Variants in ARL3 observed in about 807,000 individuals in gnomAD.
The protein encoded by ARL3 is ADP-ribosylation factor-like protein 3.
In ARL3, 9 loss-of-function variants were observed where a neutral mutation model predicts 26.0. That is an observed-to-expected ratio of 0.35 (90% CI 0.21 to 0.60). ARL3 has a LOEUF of 0.60. Among genes scored for constraint, ARL3 ranks in the 20% least tolerant of loss-of-function variants. The pLI is 0.78. For synonymous variants in ARL3, 71 were observed against 78.4 expected (o/e 0.91, Z 0.50); for missense variants, 158 against 215.7 (o/e 0.73, Z 1.67).
In ARL3 at chr10:102,675,729, CTT is replaced by C. The variant is rs2064126889; in HGVS notation, c.*1163_*1164del. The C allele has an allele frequency of 6.6e-6, 1 of 152,246 alleles. No homozygotes were observed. Among genetic ancestry groups the C allele is most frequent in the Non-Finnish European group, 1.5e-5 (1 of 68,054 alleles). The allele number at this position is 152,246 out of a possible 1,614,324, so 9.4% of individuals were successfully genotyped here. ...GAGGAGCCCAGCAGCTGGGGTGACT[CTT>C]GATTCCTTGGACACGACCCCTGCAG... On this transcript the variant is annotated 3_prime_UTR_variant, in exon 6 of 6. Coordinates refer to ENST00000260746, the MANE Select transcript of ARL3 (RefSeq NM_004311.4).
intron 5 of ARL3, among the ~76,000 whole-genome samples, chr10:102,684,051 C>T (rs1305580636): frequency 6.6e-6 from 1 of 152,226 alleles, no homozygotes; most frequent in Admixed American, 6.5e-5. Context: ...CAGAGCTGTA[C>T]TTGCACTTTC....
intron 5 of ARL3, among the ~76,000 whole-genome samples, chr10:102,677,229 G>C (rs2064135076): frequency 6.6e-6 from 1 of 152,210 alleles, no homozygotes; most frequent in Admixed American, 6.5e-5. Flanking sequence ...AAACACATCT[G>C]CCTGCATCCA....
intron 1 of ARL3, among the ~76,000 whole-genome samples, chr10:102,707,580 A>G (rs867053051): frequency 2.0e-5 from 3 of 152,244 alleles, no homozygotes; most frequent in African/African-American, 7.2e-5. Context: ...GTACCAGGCA[A>G]TAATTCAAAC....
chr10:102,695,016 G>A (rs1256450406), intron 3 of ARL3, among the ~76,000 whole-genome samples: 1 of 152,222 alleles, frequency 6.6e-6, no homozygotes, highest in Non-Finnish European at 1.5e-5. Flanking sequence ...ACTGCGCCCG[G>A]CCTATGCTGT....
At chr10:102,694,666 GCTCT>G (rs2064237920) in intron 3 of ARL3, among the ~76,000 whole-genome samples, 1 of 151,942 alleles carries the variant, frequency 6.6e-6, no homozygotes. Flanking sequence ...CTATTTTGGG[GCTCT>G]CTATTCTGTT....
At chr10:102,677,303 C>T (rs1221361445) in intron 5 of ARL3, among the ~76,000 whole-genome samples, 1 of 152,216 alleles carries the variant, frequency 6.6e-6, no homozygotes, top group Non-Finnish European at 1.5e-5. Flanking sequence ...AAAAGGTGAC[C>T]TTTGCCAGGG....
rs1016133794 is a variant in ARL3, at chr10:102,673,802, A to G, written c.*3092T>C. On this transcript the variant is annotated 3_prime_UTR_variant, in exon 6 of 6. Transcript: ENST00000260746. ...AATTATACATTGAGTTTTCCACATGACCAAACACCACATCTCTTCCTTTGA... is the reference window on the plus strand; with the variant it reads ...AATTATACATTGAGTTTTCCACATGGCCAAACACCACATCTCTTCCTTTGA... 6.6e-6 allele frequency: 1 copy of G among 152,188 alleles called. No homozygotes were observed. Among genetic ancestry groups the G allele is most frequent in the South Asian group, 2.1e-4 (1 of 4,832 alleles). The allele number at this position is 152,188 out of a possible 1,614,324, so 9.4% of individuals were successfully genotyped here. A position where few individuals can be genotyped will look rare whatever the true frequency, so the allele number is the denominator to read the frequency against.
chr10:102,712,106 G>C (rs549216294), intron 1 of ARL3, among the ~76,000 whole-genome samples: 2 of 152,128 alleles, frequency 1.3e-5, no homozygotes. Context: ...TAGTATTTTA[G>C]TAATTCATCA....
At chr10:102,680,875 A>T (rs2064153327) in intron 5 of ARL3, among the ~76,000 whole-genome samples, 1 of 152,126 alleles carries the variant, frequency 6.6e-6, no homozygotes, top group Non-Finnish European at 1.5e-5. Context: ...CTTCCATCAA[A>T]TATGGCTCGC....
At chr10:102,713,734 G>A (rs998076155) in intron 1 of ARL3, among the ~76,000 whole-genome samples, 2 of 152,146 alleles carry the variant, frequency 1.3e-5, no homozygotes, top group African/African-American at 4.8e-5. Flanking sequence ...TTGTGTCGTG[G>A]GACTTACTTC....
At position 102,714,162 on chromosome 10, in the gene ARL3, G is replaced by A. The variant is rs1408822503; in HGVS notation, c.3+111C>T. ...CAGTCCACAACCCAGATAGCAGGCT[G>A]AGCGACGTCCCATTCCCTCCTTGGC... On this transcript the variant is annotated intron_variant, in intron 1 of 5. Transcript: ENST00000260746. 8.9e-6 allele frequency: 11 copies of A among 1,231,756 alleles called. No individual in the cohort carries two copies. The East Asian group carries it at 3.1e-4, about 35-fold the overall frequency. 76.3% of individuals were successfully genotyped at this position (1,231,756 alleles called of 1,614,324 possible). A position where few individuals can be genotyped will look rare whatever the true frequency, so the allele number is the denominator to read the frequency against.
At chr10:102,689,249 T>C (rs1444412384) in intron 4 of ARL3, among the ~76,000 whole-genome samples, 4 of 151,422 alleles carry the variant, frequency 2.6e-5, no homozygotes, top group South Asian at 2.1e-4. Flanking sequence ...CACTTGAACC[T>C]GGGAGGTTGA....
intron 3 of ARL3, among the ~76,000 whole-genome samples, chr10:102,690,478 G>T (rs1278728866): frequency 6.6e-6 from 1 of 151,752 alleles, no homozygotes; most frequent in East Asian, 1.9e-4. Flanking sequence ...TAGAGACGGC[G>T]TTTCACCATG....
intron 1 of ARL3, 75 bp from the exon 2 acceptor site, chr10:102,705,564 C>T: frequency 2.2e-6 from 3 of 1,364,942 alleles, no homozygotes; most frequent in South Asian, 1.9e-5. Context: ...AGAATAACTT[C>T]TCCTTGAAAA....
rs199732551 is a variant in ARL3 at position 102,705,302 on chromosome 10, G to A, written c.147+44C>T. 1.6e-5 allele frequency: 24 copies of A among 1,507,206 alleles called. No homozygotes were observed. In the East Asian group the frequency reaches 5.0e-4, roughly 31 times the overall value. The allele number at this position is 1,507,206 out of a possible 1,614,324, so 93.4% of individuals were successfully genotyped here. ...TTTTGTCTTTCACATTGCTATTATCGTCTTCCTGTGTCACACGGCATCTGG... is the reference window on the plus strand; with the variant it reads ...TTTTGTCTTTCACATTGCTATTATCATCTTCCTGTGTCACACGGCATCTGG... On this transcript the variant is annotated intron_variant, in intron 2 of 5. Transcript: ENST00000260746.
intron 5 of ARL3, among the ~76,000 whole-genome samples, chr10:102,684,663 G>C (rs375314319): frequency 6.6e-6 from 1 of 151,886 alleles, no homozygotes; most frequent in Non-Finnish European, 1.5e-5. Flanking sequence ...TTTTGAGAGA[G>C]AGTCTTGCTC....
At chr10:102,713,074 C>T (rs1414732363) in intron 1 of ARL3, among the ~76,000 whole-genome samples, 1 of 93,594 alleles carries the variant, frequency 1.1e-5, no homozygotes, top group Non-Finnish European at 2.0e-5. Flanking sequence ...TCCTGGGCAT[C>T]TAGTTTTTTT....
intron 1 of ARL3, among the ~76,000 whole-genome samples, 160 bp from the exon 2 acceptor site, chr10:102,705,649 C>T (rs2136008883): frequency 6.6e-6 from 1 of 152,200 alleles, no homozygotes; most frequent in East Asian, 1.9e-4. Flanking sequence ...TTCCTCTTTC[C>T]AAGTTTCGGT....
chr10:102,700,061 G>C (rs1207691404), intron 2 of ARL3, among the ~76,000 whole-genome samples: 1 of 152,150 alleles, frequency 6.6e-6, no homozygotes, highest in Non-Finnish European at 1.5e-5. Flanking sequence ...CAGCCCAGTA[G>C]GGAGGTGGAG....
Sources: gnomAD v4.1 joint callset for allele counts (sites outside exome capture counted in the v4.1 genomes callset) on GRCh38, gnomAD v4.1.1 for gene constraint, MANE v1.5 for transcripts, NCBI Gene and HGNC (gene_info 2026-07-23, HGNC 2026-07-21) for gene names.